Variants in RHOBTB2 observed in about 807,000 individuals in gnomAD.
RHOBTB2 encodes the protein Rho related BTB domain containing 2.
RHOBTB2 carries 39 observed loss-of-function variants against 66.5 expected under a neutral mutation model. The ratio of observed to expected loss-of-function variants is 0.59; its 90% CI spans 0.45 to 0.77. The LOEUF is 0.77. Ranked by LOEUF, RHOBTB2 falls within the 30% of genes least tolerant of loss-of-function variation. RHOBTB2 has a pLI of 0.00. For missense variants in RHOBTB2, 755 were observed against 999.1 expected (o/e 0.76, Z 3.29); for synonymous variants, 390 against 395.0 (o/e 0.99, Z 0.15).
chr8:22,985,606 C>T (rs56896982), upstream of RHOBTB2, among the ~76,000 whole-genome samples: 1,755 of 152,300 alleles, frequency 0.012, 39 homozygotes, highest in African/African-American at 0.04. Flanking sequence ...ATTTTTATGG[C>T]CAGTTTATGC....
At chr8:23,000,767 A>C (rs527969586) in intron 1 of RHOBTB2, among the ~76,000 whole-genome samples, 1 of 152,090 alleles carries the variant, frequency 6.6e-6, no homozygotes, top group East Asian at 1.9e-4. Flanking sequence ...TCTCCTTCCA[A>C]TTCTCCATTC....
At chr8:22,983,568 T>G (rs1563279758), upstream of RHOBTB2, among the ~76,000 whole-genome samples, 2 of 151,646 alleles carry the variant, frequency 1.3e-5, no homozygotes, top group South Asian at 2.1e-4. Context: ...TAAAAAAATA[T>G]AGAGAGTTAC....
the RHOBTB2 span, among the ~76,000 whole-genome samples, chr8:22,957,984 T>C: frequency 6.6e-6 from 1 of 152,222 alleles, no homozygotes; most frequent in Non-Finnish European, 1.5e-5. Flanking sequence ...TGTGAAGTAT[T>C]TCTTCATTAT....
the RHOBTB2 span, among the ~76,000 whole-genome samples, chr8:22,962,179 C>CAAAAAAAAAAAAAAAAAAAAAAAAAAAAG: frequency 7.2e-5 from 1 of 13,844 alleles, no homozygotes; most frequent in Non-Finnish European, 1.2e-4. Context: ...AACGAATTTA[C>CAAAAAAAAAAAAAAAAAAAAAAAAAAAAG]AAAAAAAAAA....
Position 23,006,855 on chromosome 8 carries a change from A to T in RHOBTB2, c.610A>T (p.Ile204Phe). Reference sequence around the variant, plus strand: ...CATCAAGGACGTCTTTGACAACGCCATCCGAGCTGCACTCATCTCCCGCCG... The same window carrying T: ...CATCAAGGACGTCTTTGACAACGCCTTCCGAGCTGCACTCATCTCCCGCCG... The part of the protein sequence containing the change: ...FGIKDVFDNA[I>F]RAALISRRHL... The change falls in exon 5 of 10, where the codon ATC becomes TTC. Residue 204 changes from isoleucine (I) to phenylalanine (F), a missense_variant. Around this residue, in one of 7 missense-constraint regions of RHOBTB2, gnomAD observed 35 missense variants for 38.1 expected, o/e 0.92. Coordinates refer to ENST00000251822, the MANE Select transcript of RHOBTB2 (RefSeq NM_015178.3). This position sits in a 1 kb window ranked among gnomAD's most constrained non-coding sequence, Gnocchi z 6.1. The T allele has an allele frequency of 6.2e-7, 1 of 1,614,116 alleles. No homozygotes were observed. The highest frequency in any genetic ancestry group is 2.2e-5 in the East Asian group (1 of 44,886).
Position 23,007,093 on chromosome 8 carries a change from T to A in RHOBTB2, c.848T>A (p.Ile283Asn). The A allele has an allele frequency of 6.2e-7, 1 of 1,611,134 alleles. No homozygotes were observed. The highest frequency in any genetic ancestry group is 8.5e-7 in the Non-Finnish European group (1 of 1,179,846). The change falls in exon 5 of 10, where the codon ATC (isoleucine) becomes AAC (asparagine). Residue 283 changes from isoleucine (I) to asparagine (N), a missense_variant. Ile to Asn is a moderately radical substitution (Grantham distance 149, BLOSUM62 -3). Around this residue, in one of 7 missense-constraint regions of RHOBTB2, gnomAD observed 247 missense variants for 238.9 expected, o/e 1.03. Transcript: ENST00000251822. ...CGGGTGCGCATCTTTGCCCACAAGA[T>A]CTACCTCTCCACCTCTTCCTCCAAG... Reference protein sequence around the residue: ...QERVRIFAHKIYLSTSSSKFY... With the variant: ...QERVRIFAHKNYLSTSSSKFY...
rs913839547 is a variant in RHOBTB2, at chr8:23,000,021, C to A, written c.-95C>A. 1.1e-4 allele frequency: 104 copies of A among 985,456 alleles called. No individual in the cohort carries two copies. Among genetic ancestry groups the A allele is most frequent in the Non-Finnish European group, 1.2e-4 (103 of 830,020 alleles). 61.0% of individuals were successfully genotyped at this position (985,456 alleles called of 1,614,324 possible). On this transcript the variant is annotated 5_prime_UTR_variant, in exon 1 of 10. Transcript: ENST00000251822. ...GTCCCAACTTGCAGGCGCGGAGGGACCCCTGACATTTCACTAAAATGAGCG... is the reference window on the plus strand; with the variant it reads ...GTCCCAACTTGCAGGCGCGGAGGGAACCCTGACATTTCACTAAAATGAGCG...
chr8:22,972,897 G>C, the RHOBTB2 span, among the ~76,000 whole-genome samples: 5 of 152,132 alleles, frequency 3.3e-5, no homozygotes, highest in Non-Finnish European at 7.4e-5. Context: ...CCCTCCTCCT[G>C]CCTTTCTGAA....
the RHOBTB2 span, among the ~76,000 whole-genome samples, chr8:22,958,051 T>C: frequency 6.6e-6 from 1 of 152,254 alleles, no homozygotes; most frequent in Non-Finnish European, 1.5e-5. Context: ...TGGGCTTTTG[T>C]TACATCCCAG....
chr8:22,951,234 C>T, the RHOBTB2 span, among the ~76,000 whole-genome samples: 5 of 140,840 alleles, frequency 3.6e-5, no homozygotes, highest in African/African-American at 1.3e-4. Context: ...TTCCCACTTT[C>T]TACTTAGCTC....
chr8:22,995,002 G>A (rs1810509227), upstream of RHOBTB2, among the ~76,000 whole-genome samples: 1 of 152,228 alleles, frequency 6.6e-6, no homozygotes, highest in South Asian at 2.1e-4. Context: ...CTGACCTCAG[G>A]TGATCCACCT....
chr8:22,958,889 G>A, the RHOBTB2 span, among the ~76,000 whole-genome samples: 44 of 150,276 alleles, frequency 2.9e-4, no homozygotes, highest in African/African-American at 9.5e-4. Flanking sequence ...GACCCAGAAT[G>A]GGGTAAGCCA....
chr8:22,961,931 T>A, the RHOBTB2 span, among the ~76,000 whole-genome samples: 3 of 152,110 alleles, frequency 2.0e-5, no homozygotes, highest in Non-Finnish European at 4.4e-5. Context: ...ATAAATTGCA[T>A]AATACTATGC....
the RHOBTB2 span, among the ~76,000 whole-genome samples, chr8:22,957,153 G>C: frequency 6.6e-6 from 1 of 152,010 alleles, no homozygotes; most frequent in Non-Finnish European, 1.5e-5. Context: ...ATTAGGTTGA[G>C]GTGATATATT....
At chr8:23,003,251 C>T (rs1238490983) in intron 1 of RHOBTB2, among the ~76,000 whole-genome samples, 3 of 152,240 alleles carry the variant, frequency 2.0e-5, no homozygotes, top group Admixed American at 2.0e-4. Context: ...GAGGCCAGGG[C>T]CTCCTGGCGA....
the RHOBTB2 span, among the ~76,000 whole-genome samples, chr8:22,981,704 C>T: frequency 6.6e-6 from 1 of 152,038 alleles, no homozygotes; most frequent in African/African-American, 2.4e-5. Flanking sequence ...CTGCCCTGTC[C>T]CCCCACTGCC....
chr8:23,009,856 G>C (rs951000922), intron 6 of RHOBTB2, among the ~76,000 whole-genome samples: 1 of 152,212 alleles, frequency 6.6e-6, no homozygotes, highest in Admixed American at 6.5e-5. Flanking sequence ...TCTCGGTACT[G>C]TAGACGCCAG....
At chr8:22,997,117 G>A (rs1411164722), upstream of RHOBTB2, among the ~76,000 whole-genome samples, 2 of 152,082 alleles carry the variant, frequency 1.3e-5, no homozygotes, top group Non-Finnish European at 2.9e-5. Flanking sequence ...GGAGCTCCTC[G>A]CAGGCTGGCC....
the RHOBTB2 span, among the ~76,000 whole-genome samples, chr8:22,953,391 A>G: frequency 6.8e-5 from 9 of 132,352 alleles, no homozygotes; most frequent in African/African-American, 2.0e-4. Context: ...CCACAGTCTG[A>G]CCATCACTTG....
Sources: allele counts gnomAD v4.1 joint callset (sites outside exome capture counted in the v4.1 genomes callset), GRCh38; gene constraint gnomAD v4.1.1; regional missense constraint gnomAD v4.1.1; non-coding constraint Gnocchi (gnomAD v3.1); transcripts MANE v1.5; gene names NCBI Gene and HGNC (gene_info 2026-07-23, HGNC 2026-07-21).